COQ5: variants seen among roughly 807,000 people sequenced by gnomAD.
COQ5 encodes the protein 2-methoxy-6-polyprenyl-1,4-benzoquinol methylase, mitochondrial.
COQ5 carries 27 observed loss-of-function variants against 40.5 expected under a neutral mutation model. That is an observed-to-expected ratio of 0.67 (90% CI 0.49 to 0.92). COQ5 has a LOEUF of 0.92. Ranked by LOEUF, COQ5 falls within the 40% of genes least tolerant of loss-of-function variation. The pLI is 0.00. For missense variants in COQ5, 409 were observed against 406.4 expected, an observed-to-expected ratio of 1.01 and a Z score of -0.06; for synonymous variants, 141 against 150.0, an observed-to-expected ratio of 0.94 and a Z score of 0.44.
chr12:120,505,119 G>A, intron 4 of COQ5, 136 bp from the exon 5 acceptor site: 1 of 732,780 alleles, frequency 1.4e-6, no homozygotes, highest in East Asian at 2.7e-5. Flanking sequence ...TTCTCACTTG[G>A]GAAGCTGTAA....
intron 1 of COQ5, among the ~76,000 whole-genome samples, chr12:120,528,095 A>T (rs907007737): frequency 1.4e-5 from 2 of 146,854 alleles, no homozygotes; most frequent in Admixed American, 1.4e-4. Flanking sequence ...CCAGCTACTC[A>T]GGAGGCTGAG....
intron 1 of COQ5, 144 bp downstream of exon 1, chr12:120,528,796 T>G (rs1415238091): frequency 9.0e-6 from 7 of 778,040 alleles, no homozygotes; most frequent in Non-Finnish European, 1.5e-5. Flanking sequence ...AAGAGCGAAA[T>G]TCTGTCTCCA....
intron 1 of COQ5, among the ~76,000 whole-genome samples, chr12:120,525,452 G>A (rs1016954792): frequency 6.6e-6 from 1 of 152,144 alleles, no homozygotes; most frequent in African/African-American, 2.4e-5. Flanking sequence ...AACCCCACTC[G>A]GTATAAATAG....
intron 1 of COQ5, among the ~76,000 whole-genome samples, chr12:120,525,182 C>A (rs1473107359): frequency 6.6e-6 from 1 of 152,228 alleles, no homozygotes; most frequent in Non-Finnish European, 1.5e-5. Flanking sequence ...TCACTGCAAC[C>A]TCCTCCTTCT....
chr12:120,523,452 T>C, intron 1 of COQ5: 1 of 374,622 alleles, frequency 2.7e-6, no homozygotes, highest in Non-Finnish European at 5.2e-6. Flanking sequence ...ATGTCTGCAC[T>C]GGTCCTCTCC....
chr12:120,522,866 C>T (rs1400237589), intron 1 of COQ5: 1 of 716,036 alleles, frequency 1.4e-6, no homozygotes, highest in Non-Finnish European at 2.5e-6. Context: ...CCTTTGGGAT[C>T]TCGGGCTTAA....
At chr12:120,519,330 G>A (rs1869534813) in intron 2 of COQ5, among the ~76,000 whole-genome samples, 2 of 152,138 alleles carry the variant, frequency 1.3e-5, no homozygotes, top group African/African-American at 4.8e-5. Flanking sequence ...AGGCCAAGGT[G>A]GGCGGATCAC....
At chr12:120,522,695 T>C in intron 1 of COQ5, 2 of 655,928 alleles carry the variant, frequency 3.0e-6, no homozygotes, top group South Asian at 3.6e-5. Context: ...CCGGGCACCT[T>C]TGGGAGCCTA....
chr12:120,511,791 T>C (rs1162205465), intron 3 of COQ5, among the ~76,000 whole-genome samples: 1 of 152,034 alleles, frequency 6.6e-6, no homozygotes, highest in East Asian at 1.9e-4. Flanking sequence ...AATGAATCCA[T>C]GCAAAAATTA....
At chr12:120,508,454 T>G (rs1868980322) in intron 4 of COQ5, among the ~76,000 whole-genome samples, 1 of 152,078 alleles carries the variant, frequency 6.6e-6, no homozygotes, top group African/African-American at 2.4e-5. Context: ...CACAAACACT[T>G]GTCTAAGGTT....
intron 3 of COQ5, among the ~76,000 whole-genome samples, chr12:120,511,157 T>G (rs1041235438): frequency 3.3e-5 from 5 of 150,508 alleles, no homozygotes; most frequent in Admixed American, 6.7e-5. Flanking sequence ...CTGGGGAGGC[T>G]GAGGCAGGAG....
At chr12:120,521,178 T>G (rs1217087878) in intron 2 of COQ5, among the ~76,000 whole-genome samples, 1 of 150,020 alleles carries the variant, frequency 6.7e-6, no homozygotes, top group Non-Finnish European at 1.5e-5. Flanking sequence ...GCAATTCTCC[T>G]GCCTCAGCCT....
intron 5 of COQ5, chr12:120,504,580 T>A: frequency 3.1e-6 from 1 of 324,640 alleles, no homozygotes; most frequent in Non-Finnish European, 5.9e-6. Context: ...TTTAAGCCAG[T>A]CAAATTTATC....
intron 2 of COQ5, among the ~76,000 whole-genome samples, chr12:120,521,794 C>T (rs1240512185): frequency 2.0e-5 from 3 of 151,906 alleles, no homozygotes; most frequent in East Asian, 3.9e-4. Flanking sequence ...CTCAGGAGTT[C>T]GAGACCAGCC....
At chr12:120,526,932 G>A (rs943153183) in intron 1 of COQ5, 6 of 154,192 alleles carry the variant, frequency 3.9e-5, no homozygotes, top group African/African-American at 1.5e-4. Flanking sequence ...AGCCAGGATG[G>A]TCTCAATCTC....
chr12:120,514,579 A>G (rs1219767517), intron 3 of COQ5, among the ~76,000 whole-genome samples: 5 of 151,882 alleles, frequency 3.3e-5, no homozygotes, highest in Non-Finnish European at 7.4e-5. Context: ...CGTCTCTACT[A>G]AAAATACAAA....
chr12:120,517,453 G>A (rs184635956), intron 2 of COQ5, among the ~76,000 whole-genome samples: 21 of 151,002 alleles, frequency 1.4e-4, no homozygotes, highest in Admixed American at 9.3e-4. Context: ...GTTGGATCAC[G>A]AGGTCAGGAG....
At chr12:120,508,736 A>T (rs372568444) in intron 4 of COQ5, among the ~76,000 whole-genome samples, 141 of 152,122 alleles carry the variant, frequency 9.3e-4, no homozygotes, top group African/African-American at 3.1e-3. Flanking sequence ...CTATTAAAAA[A>T]TTTTTTTCCC....
chr12:120,524,241 A>G (rs1184964480), intron 1 of COQ5, among the ~76,000 whole-genome samples: 2 of 152,138 alleles, frequency 1.3e-5, no homozygotes, highest in Non-Finnish European at 2.9e-5. Flanking sequence ...CAAGACTCTC[A>G]GAAGTGTTTC....
Sources: gnomAD v4.1 joint callset for allele counts (sites outside exome capture counted in the v4.1 genomes callset) on GRCh38, gnomAD v4.1.1 for gene constraint, MANE v1.5 for transcripts, NCBI Gene and HGNC (gene_info 2026-07-23, HGNC 2026-07-21) for gene names.